NKAIN3: variants seen among roughly 807,000 people sequenced by gnomAD.
NKAIN3 encodes sodium/potassium transporting ATPase interacting 3.
A neutral mutation model predicts 30.2 loss-of-function variants in NKAIN3; 25 were observed. The ratio of observed to expected loss-of-function variants is 0.83; its 90% CI spans 0.60 to 1.16. The LOEUF is 1.16. Ranked by LOEUF, NKAIN3 falls within the 50% of genes most tolerant of loss-of-function variation. NKAIN3 has a pLI of 0.00. For synonymous variants in NKAIN3, 91 were observed against 89.6 expected, an observed-to-expected ratio of 1.02 and a Z score of -0.09; for missense variants, 225 against 254.1, an observed-to-expected ratio of 0.89 and a Z score of 0.78.
intron 1 of NKAIN3, among the ~76,000 whole-genome samples, chr8:62,476,074 AT>A (rs1806509535): frequency 6.6e-6 from 1 of 152,208 alleles, no homozygotes; most frequent in South Asian, 2.1e-4. Context: ...AATTACTATC[AT>A]CATTCTAGTT....
chr8:62,815,176 G>A (rs951588994), intron 4 of NKAIN3, among the ~76,000 whole-genome samples: 9 of 152,138 alleles, frequency 5.9e-5, no homozygotes, highest in Non-Finnish European at 7.4e-5. Context: ...CCAGGAAGAA[G>A]TTGAATCTCT....
intron 4 of NKAIN3, among the ~76,000 whole-genome samples, chr8:62,764,370 T>C (rs1816769078): frequency 6.6e-6 from 1 of 152,202 alleles, no homozygotes; most frequent in Non-Finnish European, 1.5e-5. Flanking sequence ...GTGGCCAGTG[T>C]TGGGGAGAGG....
At chr8:62,432,285 C>T (rs1805033850) in intron 1 of NKAIN3, among the ~76,000 whole-genome samples, 1 of 152,036 alleles carries the variant, frequency 6.6e-6, no homozygotes. Flanking sequence ...CAGCTGAATA[C>T]TGCCTTTCCA....
At chr8:62,529,469 G>A (rs1330441488) in intron 1 of NKAIN3, among the ~76,000 whole-genome samples, 3 of 152,118 alleles carry the variant, frequency 2.0e-5, no homozygotes, top group Admixed American at 1.3e-4. Context: ...CAGGCCTTTG[G>A]AAGGTGATTG....
chr8:62,902,685 A>G (rs1205524372), intron 4 of NKAIN3, among the ~76,000 whole-genome samples: 2 of 152,174 alleles, frequency 1.3e-5, no homozygotes, highest in Non-Finnish European at 2.9e-5. Flanking sequence ...ACGGGTAAAT[A>G]TTAGATGGAA....
downstream of NKAIN3, among the ~76,000 whole-genome samples, chr8:62,987,667 C>T (rs1375848828): frequency 6.6e-6 from 1 of 151,110 alleles, no homozygotes. Context: ...CCCACTGGGT[C>T]CCTCCTATAA....
chr8:62,407,764 G>T (rs750384490), intron 1 of NKAIN3, among the ~76,000 whole-genome samples: 3 of 152,160 alleles, frequency 2.0e-5, no homozygotes, highest in African/African-American at 7.2e-5. Flanking sequence ...TAATGTTTAG[G>T]CTCATGCCTG....
chr8:62,760,319 A>G (rs527637753), intron 4 of NKAIN3, among the ~76,000 whole-genome samples: 1 of 152,312 alleles, frequency 6.6e-6, no homozygotes, highest in South Asian at 2.1e-4. Context: ...ATAAAGACAC[A>G]TGCACGTGTA....
chr8:62,964,297 G>C (rs1303629422), intron 6 of NKAIN3, among the ~76,000 whole-genome samples: 1 of 152,174 alleles, frequency 6.6e-6, no homozygotes, highest in Non-Finnish European at 1.5e-5. Context: ...GAAACTGTGA[G>C]AGCAAAAGTG....
chr8:62,856,327 G>A (rs1820058117), intron 4 of NKAIN3: 1 of 922,974 alleles, frequency 1.1e-6, no homozygotes, highest in African/African-American at 1.6e-5. Context: ...ATGAGCTTCA[G>A]CTTTAACCTG....
rs1299468755 is a variant in NKAIN3 at position 62,870,245 on chromosome 8, G to GATATCTATATCT, written c.472-48198_472-48197insCTATATCTATAT. Among the ~76,000 whole-genome samples, 37 of 104,704 alleles carry GATATCTATATCT rather than the reference G, an allele frequency of 3.5e-4. 2 individuals carry two copies. The highest frequency in any genetic ancestry group is 1.6e-3 in the African/African-American group (35 of 21,496). 68.7% of individuals were successfully genotyped at this position (104,704 alleles called of 152,430 possible). The stretch of plus-strand genomic sequence containing the variant: ...CTATATCTATATATAGATATCTATA[G>GATATCTATATCT]ATATCTATATATATATCTATATATA... On this transcript the variant is annotated intron_variant, in intron 4 of 6. Coordinates refer to ENST00000623646, the MANE Select transcript of NKAIN3 (RefSeq NM_001304533.3).
Position 62,271,945 on chromosome 8 carries a change from A to T in NKAIN3, c.54+22818A>T, listed in dbSNP as rs189314331. ...GGTGGAAGCGTTGTGCTATTTACGTAGCTCAGCTGAACAGTTCACAGAGAT... is the reference window on the plus strand; with the variant it reads ...GGTGGAAGCGTTGTGCTATTTACGTTGCTCAGCTGAACAGTTCACAGAGAT... On this transcript the variant is annotated intron_variant, in intron 1 of 6. Transcript: ENST00000623646. 3.5e-3 allele frequency among the ~76,000 whole-genome samples: 536 copies of T among 152,278 alleles called. 1 individual carries two copies. Among genetic ancestry groups the T allele is most frequent in the African/African-American group, 0.012 (508 of 41,562 alleles).
chr8:62,395,314 G>T (rs547908952), intron 1 of NKAIN3, among the ~76,000 whole-genome samples: 1 of 151,694 alleles, frequency 6.6e-6, no homozygotes, highest in South Asian at 2.1e-4. Context: ...CTTCCCAGAC[G>T]GTGGGGCGGC....
At position 62,858,467 on chromosome 8, in the gene NKAIN3, C is replaced by A. The variant is rs921027843; in HGVS notation, c.472-59986C>A. Among the ~76,000 whole-genome samples, 61 of 152,194 alleles carry A rather than the reference C, an allele frequency of 4.0e-4. 1 individual carries two copies. The highest frequency in any genetic ancestry group is 6.6e-4 in the Non-Finnish European group (45 of 68,026). ...AGCTGGACTGGCTAAGATGCTTGAA[C>A]AGCCAAGGTAGTGACATGCCCCACC... is the stretch of plus-strand genomic sequence containing the variant. On this transcript the variant is annotated intron_variant, in intron 4 of 6. Coordinates refer to ENST00000623646, the MANE Select transcript of NKAIN3 (RefSeq NM_001304533.3).
At position 62,942,527 on chromosome 8, in the gene NKAIN3, A is replaced by G. The variant is rs182501561; in HGVS notation, c.533-11375A>G. Among the ~76,000 whole-genome samples the G allele has an allele frequency of 3.1e-3, 477 of 151,794 alleles. 3 individuals are homozygous for G. The highest frequency in any genetic ancestry group is 0.011 in the African/African-American group (462 of 41,452). ...TCTTCACAGAACTAAAAAAAAAAAA[A>G]AAATCCTAAAATTCATGTGGAACCA... On this transcript the variant is annotated intron_variant, in intron 5 of 6. Coordinates refer to ENST00000623646, the MANE Select transcript of NKAIN3 (RefSeq NM_001304533.3).
At chr8:62,425,850 TGCACGTTCCATGTCTGTC>T in intron 1 of NKAIN3, among the ~76,000 whole-genome samples, 1 of 151,974 alleles carries the variant, frequency 6.6e-6, no homozygotes, top group East Asian at 1.9e-4. Flanking sequence ...TAGTATCCTC[TGCACGTTCCATGTCTGTC>T]TTACTTGTAT....
intron 1 of NKAIN3, among the ~76,000 whole-genome samples, chr8:62,352,137 C>T (rs1267243775): frequency 3.6e-4 from 54 of 152,034 alleles, no homozygotes; most frequent in Admixed American, 3.5e-3. Context: ...TGTTATTAGC[C>T]CAAATTAGAC....
chr8:62,670,879 G>GCA (rs57917158), intron 3 of NKAIN3, among the ~76,000 whole-genome samples: 7,556 of 141,850 alleles, frequency 0.053, 234 homozygotes, highest in African/African-American at 0.087. Context: ...ACACATACAA[G>GCA]CACACACACA....
intron 3 of NKAIN3, among the ~76,000 whole-genome samples, chr8:62,675,441 T>C (rs1029550460): frequency 6.6e-6 from 1 of 152,228 alleles, no homozygotes; most frequent in African/African-American, 2.4e-5. Context: ...ATTTTTCTTC[T>C]GACTAAAGCT....
Sources: allele counts gnomAD v4.1 joint callset (sites outside exome capture counted in the v4.1 genomes callset), GRCh38; gene constraint gnomAD v4.1.1; transcripts MANE v1.5; gene names NCBI Gene and HGNC (gene_info 2026-07-23, HGNC 2026-07-21).